The following CEP95 variants were observed in gnomAD, a reference collection of about 807,000 sequenced individuals.
The protein encoded by CEP95 is centrosomal protein of 95 kDa.
In CEP95, 98 loss-of-function variants were observed where a neutral mutation model predicts 111.2. The ratio of observed to expected loss-of-function variants is 0.88; its 90% CI spans 0.75 to 1.04. The LOEUF is 1.04. CEP95 is among the 50% of genes least tolerant of loss of function. CEP95 has a pLI of 0.00. For missense variants in CEP95, 1,027 were observed against 977.2 expected (o/e 1.05, Z -0.68); for synonymous variants, 323 against 327.1 (o/e 0.99, Z 0.14).
rs554783176 is a variant in CEP95 at position 64,510,968 on chromosome 17, G to A, written c.256+688G>A. Among the ~76,000 whole-genome samples, 210 of 152,296 alleles carry A rather than the reference G, an allele frequency of 1.4e-3. 1 individual carries two copies. The highest frequency in any genetic ancestry group is 5.0e-3 in the African/African-American group (207 of 41,556). On this transcript the variant is annotated intron_variant, in intron 3 of 19. Transcript: ENST00000556440. The stretch of plus-strand genomic sequence containing the variant: ...AGAGAAATTTTAAAGCTGGGCGTCT[G>A]GGGGAGACATCACATGTCTGTAGGT...
At chr17:64,508,472 ATCT>A in intron 1 of CEP95, 117 bp from the exon 2 acceptor site, 2 of 1,189,584 alleles carry the variant, frequency 1.7e-6, no homozygotes, top group South Asian at 7.8e-5. Context: ...CAAATTCCTT[ATCT>A]TCTGCAAAGT....
At chr17:64,506,782 C>T, upstream of CEP95, 1 of 532,618 alleles carries the variant, frequency 1.9e-6, no homozygotes, top group Non-Finnish European at 3.4e-6. Flanking sequence ...CACCCCGGGA[C>T]CCGCCCGGGC....
At chr17:64,506,804 G>A, upstream of CEP95, 1 of 569,268 alleles carries the variant, frequency 1.8e-6, no homozygotes, top group South Asian at 2.0e-5. Context: ...GCCGGCTGAT[G>A]TGGACCGTCC....
At position 64,522,787 on chromosome 17, in the gene CEP95, C is replaced by T. The variant is rs1262175042; in HGVS notation, c.801C>T (p.Tyr267=). ...IRAAIPLHPP[Y]HPSEPRAPCP... is the part of the protein sequence containing the mutation. ...CAGCTATTCCTTTACATCCACCCTACCACCCTTCAGAGCCTCGAGCACCCT... is the reference window on the plus strand; with the variant it reads ...CAGCTATTCCTTTACATCCACCCTATCACCCTTCAGAGCCTCGAGCACCCT... The change falls in exon 8 of 20, where the codon TAC becomes TAT. Residue 267 remains tyrosine (Y), a synonymous_variant. Transcript: ENST00000556440. 1.2e-6 allele frequency: 2 copies of T among 1,613,750 alleles called. No homozygotes were observed. Among genetic ancestry groups the T allele is most frequent in the Non-Finnish European group, 1.7e-6 (2 of 1,179,834 alleles).
intron 11 of CEP95, among the ~76,000 whole-genome samples, chr17:64,527,870 GTATA>G (rs376144614): frequency 1.5e-3 from 166 of 112,624 alleles, no homozygotes; most frequent in South Asian, 0.01. Context: ...GTGTGTGTGT[GTATA>G]TATATATATA....
chr17:64,509,635 A>G (rs1443333032), intron 2 of CEP95, among the ~76,000 whole-genome samples: 3 of 152,248 alleles, frequency 2.0e-5, no homozygotes, highest in Non-Finnish European at 4.4e-5. Context: ...TAGTGAGCCA[A>G]GATCACGCCA....
intron 2 of CEP95, among the ~76,000 whole-genome samples, chr17:64,509,043 C>T (rs2038749873): frequency 1.3e-5 from 2 of 152,050 alleles, no homozygotes. Context: ...ATGGCTACTG[C>T]CTTGTGAAAG....
At chr17:64,522,652 T>C (rs781993479) in intron 7 of CEP95, 50 bp from the exon 8 acceptor site, 4 of 1,372,580 alleles carry the variant, frequency 2.9e-6, no homozygotes, top group Non-Finnish European at 4.1e-6. Context: ...TATAAAATGG[T>C]TTATTTCTTA....
At chr17:64,509,611 G>A (rs373030122) in intron 2 of CEP95, among the ~76,000 whole-genome samples, 5 of 152,376 alleles carry the variant, frequency 3.3e-5, no homozygotes, top group African/African-American at 1.2e-4. Flanking sequence ...CTTGAGCCGG[G>A]AAAGTGGAGG....
intron 1 of CEP95, 181 bp downstream of exon 1, chr17:64,507,297 C>T (rs1406007002): frequency 1.4e-6 from 2 of 1,465,530 alleles, no homozygotes; most frequent in Admixed American, 2.5e-5. Flanking sequence ...CGCTTCGAGG[C>T]CGTGGAACAG....
rs1312372772 is a variant in CEP95 at position 64,507,008 on chromosome 17, C to T, written c.-90C>T. The T allele has an allele frequency of 6.8e-7, 1 of 1,467,328 alleles. No individual in the cohort carries two copies. The highest frequency in any genetic ancestry group is 9.3e-7 in the Non-Finnish European group (1 of 1,071,012). 90.9% of individuals were successfully genotyped at this position (1,467,328 alleles called of 1,614,324 possible). On this transcript the variant is annotated 5_prime_UTR_variant, in exon 1 of 20. Coordinates refer to ENST00000556440, the MANE Select transcript of CEP95 (RefSeq NM_138363.3). ...CGCGCTTTGGTTCGTGCGTCCGCGC[C>T]CCAGTGTCGGGTCTGCGTGGATCGG...
chr17:64,518,018 AG>A (rs781812159), intron 5 of CEP95, among the ~76,000 whole-genome samples: 1 of 152,038 alleles, frequency 6.6e-6, no homozygotes, highest in Non-Finnish European at 1.5e-5. Context: ...CTGGGACTAC[AG>A]GTGCACGCCG....
At chr17:64,531,059 G>A (rs545997201) in intron 13 of CEP95, 41 bp downstream of exon 13, 18 of 1,153,516 alleles carry the variant, frequency 1.6e-5, no homozygotes, top group Non-Finnish European at 2.2e-5. Context: ...CATTTGATCA[G>A]ATGAGTGGGA....
At chr17:64,528,566 A>G (rs1038894050) in intron 11 of CEP95, among the ~76,000 whole-genome samples, 1 of 152,258 alleles carries the variant, frequency 6.6e-6, no homozygotes, top group Non-Finnish European at 1.5e-5. Context: ...TTTTAAAAAT[A>G]CATCTTAGAA....
At position 64,521,485 on chromosome 17, in the gene CEP95, C is replaced by G. The variant is rs200923114; in HGVS notation, c.673C>G (p.Pro225Ala). 17 of 1,612,676 alleles carry G rather than the reference C, an allele frequency of 1.1e-5. 1 individual carries two copies. Among genetic ancestry groups the G allele is most frequent in the Middle Eastern group, 1.6e-4 (1 of 6,080 alleles). Residue 225 changes from proline to alanine, a missense_variant, in exon 7 of 20, where the codon CCT (proline) becomes GCT (alanine). Physicochemically the swap from Pro to Ala is conservative, Grantham distance 27. Transcript: ENST00000556440. ...SKSHEDMLYP[P>A]SVLSKSRTSF... Reference sequence around the variant, plus strand: ...ATCACATGAAGATATGTTGTACCCTCCTAGTGTTTTGTCCAAGAGTAGGAC... The same window carrying G: ...ATCACATGAAGATATGTTGTACCCTGCTAGTGTTTTGTCCAAGAGTAGGAC...
chr17:64,525,686 CAG>C, intron 8 of CEP95, 82 bp from the exon 9 acceptor site: 2 of 827,782 alleles, frequency 2.4e-6, no homozygotes, highest in Non-Finnish European at 3.8e-6. Flanking sequence ...CTTTGTGCCA[CAG>C]TTCCTCCCTT....
intron 13 of CEP95, chr17:64,531,228 T>C (rs1164419916): frequency 7.8e-6 from 3 of 385,526 alleles, no homozygotes; most frequent in African/African-American, 6.3e-5. Flanking sequence ...CAAAGAAAAG[T>C]AGTGTTTTTC....
intron 17 of CEP95, 117 bp downstream of exon 17, chr17:64,534,854 C>A: frequency 8.3e-7 from 1 of 1,208,990 alleles, no homozygotes; most frequent in Non-Finnish European, 1.2e-6. Context: ...AAACTGAAGT[C>A]CTATAGTGCT....
At position 64,521,392 on chromosome 17, in the gene CEP95, T is replaced by G; in HGVS notation, c.590-10T>G. The G allele has an allele frequency of 6.3e-7, 1 of 1,597,528 alleles. No homozygotes were observed. The highest frequency in any genetic ancestry group is 8.5e-7 in the Non-Finnish European group (1 of 1,171,756). ...GTTAAAAATTTTACCTTTAATATTT[T>G]CTTTCCTAGGTGCTCAATGTCCTAA... On this transcript the variant is annotated splice_polypyrimidine_tract_variant and intron_variant, in intron 6 of 19. Transcript: ENST00000556440.
Sources: allele counts gnomAD v4.1 joint callset (sites outside exome capture counted in the v4.1 genomes callset), GRCh38; gene constraint gnomAD v4.1.1; transcripts MANE v1.5; gene names NCBI Gene and HGNC (gene_info 2026-07-23, HGNC 2026-07-21).